The following NAGPA variants were observed in gnomAD, a reference collection of about 807,000 sequenced individuals.
NAGPA encodes the protein alpha-N-acetylglucosaminyl phosphodiesterase.
In NAGPA, 56 loss-of-function variants were observed where a neutral mutation model predicts 48.5. The ratio of observed to expected loss-of-function variants is 1.15; its 90% CI spans 0.93 to 1.44. The LOEUF is 1.44. NAGPA is among the 40% of genes most tolerant of loss of function. The probability of loss-of-function intolerance (pLI) is 0.00; values close to 1 mark genes in which losing one functional copy is unlikely to be tolerated. For synonymous variants in NAGPA, 399 were observed against 315.5 expected, an observed-to-expected ratio of 1.26 and a Z score of -2.81; for missense variants, 888 against 735.0, an observed-to-expected ratio of 1.21 and a Z score of -2.41.
At chr16:5,027,228 G>T (rs1398400831) in intron 8 of NAGPA, 30 bp from the exon 9 acceptor site, 4 of 1,614,116 alleles carry the variant, frequency 2.5e-6, no homozygotes, top group Non-Finnish European at 3.4e-6. Flanking sequence ...GGCTGAAGGG[G>T]CCGGAGCAGG....
At chr16:5,032,785 G>A (rs974041366) in intron 2 of NAGPA, among the ~76,000 whole-genome samples, 5 of 151,916 alleles carry the variant, frequency 3.3e-5, no homozygotes, top group African/African-American at 4.8e-5. Context: ...GCCTTTGTGC[G>A]TGGGGTTCCT....
intron 2 of NAGPA, among the ~76,000 whole-genome samples, chr16:5,032,655 G>A (rs976933337): frequency 1.1e-4 from 17 of 151,734 alleles, no homozygotes; most frequent in African/African-American, 3.2e-4. Flanking sequence ...CTCCATCCTG[G>A]GCAACAGAGC....
rs1217179383 is a variant in NAGPA at position 5,033,305 on chromosome 16, G to T, written c.510C>A (p.Phe170Leu). The change falls in exon 2 of 10, where the codon TTC becomes TTA. Residue 170 changes from phenylalanine to leucine, a missense_variant. Coordinates refer to ENST00000312251, the MANE Select transcript of NAGPA (RefSeq NM_016256.4). The surrounding 1 kb of genome is among the most constrained non-coding windows in gnomAD (Gnocchi z 4.2). ...CCAGGGTCCCGTCGCGGCGGATCCC[G>T]AACTGCGCGTTCTGCAGCCCCCCGG... ...SSSGGLQNAQ[F>L]GIRRDGTLVT... is the part of the protein sequence containing the mutation. 2.5e-6 allele frequency: 4 copies of T among 1,596,590 alleles called. No individual in the cohort carries two copies. The highest frequency in any genetic ancestry group is 3.4e-6 in the Non-Finnish European group (4 of 1,179,210).
At position 5,025,506 on chromosome 16, in the gene NAGPA, C is replaced by T; in HGVS notation, c.1520G>A (p.Gly507Glu). The T allele has an allele frequency of 1.2e-6, 2 of 1,612,492 alleles. No homozygotes were observed. Among genetic ancestry groups the T allele is most frequent in the Non-Finnish European group, 1.7e-6 (2 of 1,179,974 alleles). Residue 507 changes from glycine to glutamate, a missense_variant, in exon 10 of 10, where the codon GGG (glycine) becomes GAG (glutamate). Transcript: ENST00000312251. ...GTCCTTGAAGGGGTTGTGGGCGCCC[C>T]CTGGCTGCTCCTTCTCTGCGGCCAG... ...EPLAAEKEQP[G>E]GAHNPFKD
Position 5,033,870 on chromosome 16 carries a change from T to G in NAGPA, c.45A>C (p.Leu15=). The change falls in exon 1 of 10, where the codon CTA becomes CTC. Residue 15 remains leucine (L), a synonymous_variant. Transcript: ENST00000312251. This position sits in a 1 kb window ranked among gnomAD's most constrained non-coding sequence, Gnocchi z 4.2. ...CGGACGCTTCCCAGAGGAAGCCGAATAGTGCAAGCCGGAGGAGAAGCCAGC... is the reference window on the plus strand; with the variant it reads ...CGGACGCTTCCCAGAGGAAGCCGAAGAGTGCAAGCCGGAGGAGAAGCCAGC... The part of the protein sequence containing the change: ...TGRWLLLRLA[L]FGFLWEASGG... The G allele has an allele frequency of 6.5e-7, 1 of 1,549,338 alleles. No individual in the cohort carries two copies.
chr16:5,031,592 G>T, intron 3 of NAGPA, 153 bp downstream of exon 3: 4 of 981,208 alleles, frequency 4.1e-6, no homozygotes, highest in Non-Finnish European at 6.5e-6. Context: ...TTCAATATAA[G>T]CCTATCTTCC....
chr16:5,031,878 C>T lies in NAGPA; in HGVS notation c.549G>A (p.Leu183=), dbSNP rs769141621. Residue 183 remains leucine (L), a synonymous_variant, in exon 3 of 10, where the codon CTG becomes CTA. Coordinates refer to ENST00000312251, the MANE Select transcript of NAGPA (RefSeq NM_016256.4). The part of the protein sequence containing the change: ...RRDGTLVTGY[L]SEEEVLDTEN... ...CAGTGTCCAGCACCTCCTCCTCAGA[C>T]AGGTACCTGGATCCGGGGAAGGTGG... 5.7e-5 allele frequency: 92 copies of T among 1,614,084 alleles called. 1 individual carries two copies. The highest frequency in any genetic ancestry group is 5.5e-4 in the Admixed American group (33 of 60,006).
chr16:5,028,716 T>A, intron 5 of NAGPA, 164 bp downstream of exon 5: 1 of 1,063,164 alleles, frequency 9.4e-7, no homozygotes, highest in Non-Finnish European at 1.4e-6. Flanking sequence ...ACCCTGCTCC[T>A]AGGCCTGGGT....
chr16:5,030,747 A>C (rs954831908), intron 3 of NAGPA: 6 of 547,456 alleles, frequency 1.1e-5, no homozygotes, highest in African/African-American at 1.9e-5. Flanking sequence ...TTCTTAGAAC[A>C]AAATCCAAAG....
At chr16:5,029,316 G>A in intron 4 of NAGPA, 1 of 401,940 alleles carries the variant, frequency 2.5e-6, no homozygotes, top group South Asian at 2.1e-5. Flanking sequence ...GACAGAATAG[G>A]AAGTGAGATT....
intron 5 of NAGPA, chr16:5,028,437 G>C (rs1446986842): frequency 2.6e-6 from 2 of 760,066 alleles, no homozygotes; most frequent in Admixed American, 4.1e-5. Flanking sequence ...CAGGGTCTAT[G>C]TTGCCCACAC....
chr16:5,032,535 C>G (rs570910280), intron 2 of NAGPA, among the ~76,000 whole-genome samples: 98 of 151,216 alleles, frequency 6.5e-4, no homozygotes, highest in African/African-American at 2.2e-3. Flanking sequence ...AAAAATCAGC[C>G]GGGCGTGGTG....
chr16:5,025,097 G>A lies in NAGPA; in HGVS notation c.*381C>T, dbSNP rs1210475611. On this transcript the variant is annotated 3_prime_UTR_variant, in exon 10 of 10. Coordinates refer to ENST00000312251, the MANE Select transcript of NAGPA (RefSeq NM_016256.4). ...CGTCCCTTTAACCCACTCCAGCCAG[G>A]GGTGCTGGCCAGGATGTGCTGTTCT... The A allele has an allele frequency of 2.2e-5, 6 of 272,726 alleles. No individual in the cohort carries two copies. In the East Asian group the frequency reaches 4.0e-4, roughly 18 times the overall value. The allele number at this position is 272,726 out of a possible 1,614,324, so 16.9% of individuals were successfully genotyped here. A position where few individuals can be genotyped will look rare whatever the true frequency, so the allele number is the denominator to read the frequency against.
Position 5,027,288 on chromosome 16 carries a change from G to C in NAGPA, c.1266C>G (p.Ser422Arg), listed in dbSNP as rs182496699. 49 of 1,614,116 alleles carry C rather than the reference G, an allele frequency of 3.0e-5. No individual in the cohort carries two copies. Among genetic ancestry groups the C allele is most frequent in the Non-Finnish European group, 4.1e-5 (48 of 1,180,052 alleles). Reference protein sequence around the residue: ...CPCDPKTGNCSVSRVKQCLQP... With the variant: ...CPCDPKTGNCRVSRVKQCLQP... ...TGGAGGGATAGGTACCTCTGGAGAC[G>C]CTGCAGTTGCCAGTCTTGGGGTCAC... Residue 422 changes from serine (S) to arginine (R), a missense_variant, in exon 8 of 10, where the codon AGC (serine) becomes AGG (arginine). Transcript: ENST00000312251.
chr16:5,025,227 C>T lies in NAGPA; in HGVS notation c.*251G>A. 1.8e-6 allele frequency: 1 copy of T among 564,456 alleles called. No individual in the cohort carries two copies. Among genetic ancestry groups the T allele is most frequent in the Non-Finnish European group, 3.2e-6 (1 of 314,560 alleles). The allele number at this position is 564,456 out of a possible 1,614,324, so 35.0% of individuals were successfully genotyped here. A position where few individuals can be genotyped will look rare whatever the true frequency, so the allele number is the denominator to read the frequency against. On this transcript the variant is annotated 3_prime_UTR_variant, in exon 10 of 10. Coordinates refer to ENST00000312251, the MANE Select transcript of NAGPA (RefSeq NM_016256.4). ...CCTCCCGGGGGCACGGGCTTCTCGG[C>T]AGCAGACACAGGCAGGCCAGAAGCA...
rs745488706 is a variant in NAGPA, at chr16:5,031,860, C to T, written c.567G>A (p.Leu189=). 5.6e-6 allele frequency: 9 copies of T among 1,614,098 alleles called. No homozygotes were observed. Among genetic ancestry groups the T allele is most frequent in the East Asian group, 2.2e-5 (1 of 44,886 alleles). ...VTGYLSEEEV[L]DTENPFVQLL... is the part of the protein sequence containing the mutation. ...GCTGCACAAATGGGTTCTCAGTGTC[C>T]AGCACCTCCTCCTCAGACAGGTACC... is the stretch of plus-strand genomic sequence containing the variant. Residue 189 remains leucine (L), a synonymous_variant, in exon 3 of 10, where the codon CTG becomes CTA. Coordinates refer to ENST00000312251, the MANE Select transcript of NAGPA (RefSeq NM_016256.4).
chr16:5,032,511 T>C (rs1956119628), intron 2 of NAGPA, among the ~76,000 whole-genome samples: 1 of 145,996 alleles, frequency 6.8e-6, no homozygotes, highest in Admixed American at 6.8e-5. Context: ...CCATCCCGTC[T>C]CTACTAAAAA....
At chr16:5,026,068 A>T (rs574161413) in intron 9 of NAGPA, among the ~76,000 whole-genome samples, 1 of 151,722 alleles carries the variant, frequency 6.6e-6, no homozygotes, top group South Asian at 2.1e-4. Context: ...AGCTGGGACT[A>T]CAGGCTCGAA....
At chr16:5,030,526 C>A in intron 3 of NAGPA, 33 bp from the exon 4 acceptor site, 1 of 1,503,048 alleles carries the variant, frequency 6.7e-7, no homozygotes. Flanking sequence ...GATCACCGCC[C>A]CTTGGGAGGC....
Sources: allele counts gnomAD v4.1 joint callset (sites outside exome capture counted in the v4.1 genomes callset), GRCh38; gene constraint gnomAD v4.1.1; non-coding constraint Gnocchi (gnomAD v3.1); transcripts MANE v1.5; gene names NCBI Gene and HGNC (gene_info 2026-07-23, HGNC 2026-07-21).